Variants in WNK1 observed in about 807,000 individuals in gnomAD.
WNK1 encodes the protein WNK lysine deficient protein kinase 1, also known as serine/threonine-protein kinase WNK1.
A neutral mutation model predicts 222.8 loss-of-function variants in WNK1; 38 were observed. The ratio of observed to expected loss-of-function variants is 0.17; its 90% CI spans 0.13 to 0.22. The LOEUF (loss-of-function observed/expected upper bound fraction) is 0.22, where lower values mean the gene tolerates loss of function less well. Among genes scored for constraint, WNK1 ranks in the 10% least tolerant of loss-of-function variants. The probability of loss-of-function intolerance (pLI) is 1.00; values close to 1 mark genes in which losing one functional copy is unlikely to be tolerated. For missense variants in WNK1, 2,348 were observed against 2,918.4 expected (o/e 0.80, Z 4.50); for synonymous variants, 1,090 against 1,092.9 (o/e 1.00, Z 0.05).
chr12:830,252 T>G, intron 4 of WNK1, 92 bp downstream of exon 4: 1 of 1,409,942 alleles, frequency 7.1e-7, no homozygotes, highest in Non-Finnish European at 9.9e-7. Context: ...AAGAGGACAA[T>G]AGTGGAAGGC....
chr12:885,380 G>C lies in WNK1; in HGVS notation c.4576G>C (p.Ala1526Pro). The C allele has an allele frequency of 6.2e-7, 1 of 1,613,604 alleles. No individual in the cohort carries two copies. Among genetic ancestry groups the C allele is most frequent in the Non-Finnish European group, 8.5e-7 (1 of 1,180,040 alleles). Reference sequence around the variant, plus strand: ...TTTAGCTGAAACCGTGGTAGTTAGCGCACACTCACTAGATAAGACATCTCA... The same window carrying C: ...TTTAGCTGAAACCGTGGTAGTTAGCCCACACTCACTAGATAAGACATCTCA... ...PTLAETVVVS[A>P]HSLDKTSHSS... Residue 1526 changes from alanine (A) to proline (P), a missense_variant, in exon 19 of 28, where the codon GCA becomes CCA. Ala to Pro is a conservative substitution (Grantham distance 27). Transcript: ENST00000315939.
chr12:908,861 G>GGGGGGGGGGGGGGGA lies in WNK1; in HGVS notation c.*69_*70insGGGGGGGGGGGGGGA. The GGGGGGGGGGGGGGGA allele has an allele frequency of 4.1e-6, 2 of 491,846 alleles. No homozygotes were observed. Among genetic ancestry groups the GGGGGGGGGGGGGGGA allele is most frequent in the Admixed American group, 2.2e-5 (1 of 46,428 alleles). The allele number at this position is 491,846 out of a possible 1,614,324, so 30.5% of individuals were successfully genotyped here. Reference sequence around the variant, plus strand: ...ATGCTGAGGGGGTGGGTGGGGGTGGGAAGTAGCCTATATACTAACTACTAG... The same window carrying GGGGGGGGGGGGGGGA: ...ATGCTGAGGGGGTGGGTGGGGGTGGGGGGGGGGGGGGGGGAAAGTAGCCTATATACTAACTACTAG... On this transcript the variant is annotated 3_prime_UTR_variant, in exon 28 of 28. Coordinates refer to ENST00000315939, the MANE Select transcript of WNK1 (RefSeq NM_018979.4).
intron 23 of WNK1, among the ~76,000 whole-genome samples, chr12:895,020 A>G (rs913195832): frequency 2.0e-5 from 3 of 150,770 alleles, no homozygotes; most frequent in African/African-American, 7.3e-5. Flanking sequence ...CTCTATCATC[A>G]TTTCTCATTT....
intron 2 of WNK1, among the ~76,000 whole-genome samples, chr12:825,357 C>T (rs1377524332): frequency 6.6e-6 from 1 of 152,162 alleles, no homozygotes; most frequent in Non-Finnish European, 1.5e-5. Context: ...GCATGTTTTT[C>T]ATTTTAAGTA....
chr12:810,577 A>G (rs961637194), intron 1 of WNK1, among the ~76,000 whole-genome samples: 4 of 151,624 alleles, frequency 2.6e-5, no homozygotes, highest in Middle Eastern at 3.4e-3. Context: ...CATTAGCACA[A>G]TTGGTTTGGA....
chr12:905,483 T>C (rs1471499728), intron 26 of WNK1, among the ~76,000 whole-genome samples: 5 of 152,200 alleles, frequency 3.3e-5, no homozygotes, highest in African/African-American at 1.2e-4. Context: ...TCTCCCAGCA[T>C]GAGCTCTGTG....
At chr12:849,350 A>G (rs897835318) in intron 4 of WNK1, among the ~76,000 whole-genome samples, 5 of 152,160 alleles carry the variant, frequency 3.3e-5, no homozygotes, top group Non-Finnish European at 5.9e-5. Flanking sequence ...AGAGGACTTT[A>G]ATCTGTTACC....
At position 871,329 on chromosome 12, in the gene WNK1, C is replaced by T. The variant is rs760639105; in HGVS notation, c.2204C>T (p.Pro735Leu). ...SSLTGVSSSQ[P>L]IQHPQQQQGI... ...TTAACAGGGGTTTCATCTTCCCAAC[C>T]CATACAACATCCTCAGCAGGTGAGA... The change falls in exon 9 of 28, where the codon CCC (proline) becomes CTC (leucine). Residue 735 changes from proline (P) to leucine (L), a missense_variant. Pro to Leu is a moderately conservative substitution (Grantham distance 98). Around this residue, in one of 13 missense-constraint regions of WNK1, gnomAD observed 547 missense variants for 558.3 expected, o/e 0.98. Transcript: ENST00000315939. 9 of 1,614,120 alleles carry T rather than the reference C, an allele frequency of 5.6e-6. No homozygotes were observed. In the East Asian group the frequency reaches 2.0e-4, roughly 36 times the overall value.
chr12:878,474 T>C, intron 10 of WNK1, 113 bp downstream of exon 10: 1 of 1,230,638 alleles, frequency 8.1e-7, no homozygotes, highest in Non-Finnish European at 1.1e-6. Flanking sequence ...CCTTTTCTTC[T>C]AAGGGTAACC....
At chr12:908,294 G>T in intron 27 of WNK1, 181 bp from the exon 28 acceptor site, 1 of 771,190 alleles carries the variant, frequency 1.3e-6, no homozygotes, top group Non-Finnish European at 2.1e-6. Flanking sequence ...ACACGCACAT[G>T]ACATCCCTCC....
At position 843,991 on chromosome 12, in the gene WNK1, A is replaced by G. The variant is rs182635387; in HGVS notation, c.1312-13170A>G. Among the ~76,000 whole-genome samples the G allele has an allele frequency of 3.3e-3, 508 of 152,318 alleles. 5 individuals are homozygous for G. The highest frequency in any genetic ancestry group is 6.1e-3 in the Non-Finnish European group (417 of 68,026). On this transcript the variant is annotated intron_variant, in intron 4 of 27. Coordinates refer to ENST00000315939, the MANE Select transcript of WNK1 (RefSeq NM_018979.4). ...TACCAAAATGTTATTTAAATAAACT[A>G]TTGTTCAGTCATTCATGTAAACTTT...
At chr12:785,599 G>A (rs529125608) in intron 1 of WNK1, among the ~76,000 whole-genome samples, 173 of 151,996 alleles carry the variant, frequency 1.1e-3, no homozygotes, top group African/African-American at 4.1e-3. Flanking sequence ...GGGTTTCACC[G>A]TGTTCGCCAG....
In WNK1 at chr12:770,962, T is replaced by C. The variant is rs1942402099; in HGVS notation, c.759+16638T>C. ...TTCAGATAAACTGCTAGTGTATGTT[T>C]GGAATACGTTAAATGCATAAACTTA... On this transcript the variant is annotated intron_variant, in intron 1 of 27. Transcript: ENST00000315939. Among the ~76,000 whole-genome samples the C allele has an allele frequency of 2.6e-5, 4 of 152,196 alleles. No homozygotes were observed. The South Asian group carries it at 8.3e-4, about 31-fold the overall frequency.
At chr12:883,903 C>T in intron 17 of WNK1, 72 bp downstream of exon 17, 1 of 1,577,970 alleles carries the variant, frequency 6.3e-7, no homozygotes, top group Non-Finnish European at 8.6e-7. Context: ...TGGCAGGCTT[C>T]TGTAGTCCCA....
intron 1 of WNK1, among the ~76,000 whole-genome samples, chr12:793,128 A>G (rs1327796695): frequency 6.6e-6 from 1 of 152,218 alleles, no homozygotes; most frequent in East Asian, 1.9e-4. Flanking sequence ...GCAATAGAGC[A>G]CAATCAGCCA....
chr12:833,931 A>G (rs1356797251), intron 4 of WNK1, among the ~76,000 whole-genome samples: 1 of 152,158 alleles, frequency 6.6e-6, no homozygotes, highest in Non-Finnish European at 1.5e-5. Flanking sequence ...TACCTCTAAT[A>G]TAGAAGATTA....
intron 1 of WNK1, among the ~76,000 whole-genome samples, chr12:772,981 T>C (rs1232806909): frequency 6.6e-6 from 1 of 152,098 alleles, no homozygotes; most frequent in Non-Finnish European, 1.5e-5. Context: ...TTTGAGGAGC[T>C]GGGCACGGTG....
chr12:857,967 T>C (rs1462931385), intron 5 of WNK1, among the ~76,000 whole-genome samples: 1 of 152,230 alleles, frequency 6.6e-6, no homozygotes, highest in Non-Finnish European at 1.5e-5. Context: ...ATCTACCACT[T>C]GAAGAATGAG....
At position 883,421 on chromosome 12, in the gene WNK1, A is replaced by G. The variant is rs150532648; in HGVS notation, c.3516A>G (p.Ile1172Met). Residue 1172 changes from isoleucine to methionine, a missense_variant, in exon 16 of 28, where the codon ATA (isoleucine) becomes ATG (methionine). By Grantham distance (10) the Ile-to-Met change is conservative (BLOSUM62 1). Coordinates refer to ENST00000315939, the MANE Select transcript of WNK1 (RefSeq NM_018979.4). Reference protein sequence around the residue: ...IMVNNDFILAIERESFVDQVR... With the variant: ...IMVNNDFILAMERESFVDQVR... ...TGAACAATGACTTTATTCTAGCAAT[A>G]GAGAGAGAGTCGTTTGTGGATCAAG... 2.9e-4 allele frequency: 461 copies of G among 1,614,088 alleles called. 8 individuals carry two copies. The East Asian group carries it at 9.9e-3, about 35-fold the overall frequency.
Sources: gnomAD v4.1 joint callset for allele counts (sites outside exome capture counted in the v4.1 genomes callset) on GRCh38, gnomAD v4.1.1 for gene constraint, gnomAD v4.1.1 regional missense constraint, MANE v1.5 for transcripts, NCBI Gene and HGNC (gene_info 2026-07-23, HGNC 2026-07-21) for gene names.